ASIC2: variants seen among roughly 807,000 people sequenced by gnomAD.
The protein encoded by ASIC2 is acid sensing ion channel subunit 2, also known as acid-sensing ion channel 2.
ASIC2 carries 25 observed loss-of-function variants against 57.3 expected under a neutral mutation model. The observed-to-expected ratio is 0.44, with a 90% CI of 0.32 to 0.61. ASIC2 has a LOEUF of 0.61. Among genes scored for constraint, ASIC2 ranks in the 20% least tolerant of loss-of-function variants. The pLI, the probability that ASIC2 is intolerant of heterozygous loss-of-function variation, is 0.06. For missense variants in ASIC2, 641 were observed against 738.1 expected, an observed-to-expected ratio of 0.87 and a Z score of 1.52; for synonymous variants, 319 against 307.5, an observed-to-expected ratio of 1.04 and a Z score of -0.39.
At chr17:33,380,356 C>T (rs144478154) in intron 1 of ASIC2, among the ~76,000 whole-genome samples, 3 of 151,334 alleles carry the variant, frequency 2.0e-5, no homozygotes, top group African/African-American at 4.9e-5. Flanking sequence ...TGATGATGAT[C>T]ATGATGCGTA....
intron 1 of ASIC2, among the ~76,000 whole-genome samples, chr17:33,120,915 C>G (rs959753472): frequency 1.3e-5 from 2 of 152,160 alleles, no homozygotes; most frequent in Non-Finnish European, 2.9e-5. Context: ...GGGGACCAGG[C>G]AGCCCTGGTT....
chr17:33,901,862 T>G (rs776154565), intron 1 of ASIC2, among the ~76,000 whole-genome samples: 4 of 152,160 alleles, frequency 2.6e-5, no homozygotes, highest in Non-Finnish European at 5.9e-5. Flanking sequence ...TGCCTTATGG[T>G]TCTATGTTTC....
At chr17:33,943,693 A>G (rs960938371) in intron 1 of ASIC2, among the ~76,000 whole-genome samples, 1 of 42,260 alleles carries the variant, frequency 2.4e-5, no homozygotes, top group East Asian at 1.3e-3. Context: ...TGATAATAGT[A>G]AAAAAAAAAA....
At chr17:33,449,102 C>T (rs916424697) in intron 1 of ASIC2, among the ~76,000 whole-genome samples, 2 of 152,222 alleles carry the variant, frequency 1.3e-5, no homozygotes, top group African/African-American at 4.8e-5. Flanking sequence ...CAGAATGCCA[C>T]TATTTTTCTC....
intron 1 of ASIC2, among the ~76,000 whole-genome samples, chr17:33,978,775 T>C (rs1905490175): frequency 6.6e-6 from 1 of 151,516 alleles, no homozygotes; most frequent in South Asian, 2.1e-4. Flanking sequence ...GAGTAAGGAG[T>C]GTTAGGAAGG....
intron 1 of ASIC2, among the ~76,000 whole-genome samples, chr17:34,113,223 T>C (rs910809729): frequency 1.3e-5 from 2 of 152,058 alleles, no homozygotes; most frequent in African/African-American, 4.8e-5. Context: ...CGAAGGAAGC[T>C]GGAGGAGTGG....
chr17:33,856,448 T>A (rs372249908), intron 1 of ASIC2, among the ~76,000 whole-genome samples: 1 of 96,380 alleles, frequency 1.0e-5, no homozygotes, highest in South Asian at 4.0e-4. Context: ...GTGGTAGTAG[T>A]AGTAATAGTC....
At chr17:33,806,103 G>T (rs1375765925) in intron 1 of ASIC2, among the ~76,000 whole-genome samples, 2 of 152,154 alleles carry the variant, frequency 1.3e-5, no homozygotes, top group South Asian at 4.1e-4. Context: ...ACACCGGAAA[G>T]CACCCACATT....
chr17:33,610,281 C>T (rs759596013), intron 1 of ASIC2, among the ~76,000 whole-genome samples: 1 of 152,116 alleles, frequency 6.6e-6, no homozygotes, highest in African/African-American at 2.4e-5. Context: ...CCTCAGCCTC[C>T]CAAGTAGCTG....
intron 1 of ASIC2, among the ~76,000 whole-genome samples, chr17:33,182,188 G>A (rs527902324): frequency 2.6e-5 from 4 of 152,292 alleles, no homozygotes; most frequent in Admixed American, 2.6e-4. Flanking sequence ...AGGGGTGGAG[G>A]AGAAGTGGTC....
At chr17:33,048,970 C>A (rs981006813) in intron 3 of ASIC2, among the ~76,000 whole-genome samples, 2 of 152,230 alleles carry the variant, frequency 1.3e-5, no homozygotes, top group Admixed American at 6.5e-5. Context: ...AGGGGCTCAA[C>A]CAAGTGACAT....
At position 33,409,295 on chromosome 17, in the gene ASIC2, C is replaced by T. The variant is rs548044486; in HGVS notation, c.556-297228G>A. Among the ~76,000 whole-genome samples, 3 of 152,304 alleles carry T rather than the reference C, an allele frequency of 2.0e-5. No individual in the cohort carries two copies. The South Asian group carries it at 6.2e-4, about 32-fold the overall frequency. On this transcript the variant is annotated intron_variant, in intron 1 of 9. Coordinates refer to the ASIC2 transcript ENST00000359872. ...AACTCCAATATTCAAGGCATGAGTTCCCAAAGTGAGGTGAGAGGCATCTGC... is the reference window on the plus strand; with the variant it reads ...AACTCCAATATTCAAGGCATGAGTTTCCAAAGTGAGGTGAGAGGCATCTGC...
At chr17:33,071,001 G>A (rs1379112979) in intron 3 of ASIC2, among the ~76,000 whole-genome samples, 3 of 151,888 alleles carry the variant, frequency 2.0e-5, no homozygotes, top group Non-Finnish European at 4.4e-5. Context: ...TCCTCTGTAG[G>A]TAATGAGTTA....
At chr17:33,545,523 A>G (rs1020715760) in intron 1 of ASIC2, among the ~76,000 whole-genome samples, 2 of 152,150 alleles carry the variant, frequency 1.3e-5, no homozygotes, top group Admixed American at 1.3e-4. Context: ...CCCATAATAG[A>G]CAAGAGAAAC....
At chr17:33,760,192 C>G (rs1276371243) in intron 1 of ASIC2, among the ~76,000 whole-genome samples, 1 of 151,580 alleles carries the variant, frequency 6.6e-6, no homozygotes, top group Non-Finnish European at 1.5e-5. Context: ...TTTGACATAG[C>G]ATTAAATAAA....
intron 1 of ASIC2, chr17:33,529,794 T>C (rs951606970): frequency 6.6e-6 from 1 of 152,216 alleles, no homozygotes; most frequent in Admixed American, 6.5e-5. Flanking sequence ...AGATACATCA[T>C]GTAAGGCATT....
intron 1 of ASIC2, among the ~76,000 whole-genome samples, chr17:33,375,404 G>A (rs7215745): frequency 0.51 from 76,825 of 151,680 alleles, 19,971 homozygotes; most frequent in East Asian, 0.8. Context: ...GAGGGGGAGA[G>A]TGGCAGGAGA....
At chr17:33,560,418 T>C (rs908255842) in intron 1 of ASIC2, among the ~76,000 whole-genome samples, 1 of 152,202 alleles carries the variant, frequency 6.6e-6, no homozygotes, top group Non-Finnish European at 1.5e-5. Flanking sequence ...GACTTATGAG[T>C]TGATTAAATA....
intron 1 of ASIC2, among the ~76,000 whole-genome samples, chr17:33,577,608 T>G (rs1916668132): frequency 6.6e-6 from 1 of 152,158 alleles, no homozygotes; most frequent in African/African-American, 2.4e-5. Flanking sequence ...TGAGCATTCT[T>G]ACCAACCACA....
Sources: allele counts gnomAD v4.1 joint callset (sites outside exome capture counted in the v4.1 genomes callset), GRCh38; gene constraint gnomAD v4.1.1; transcripts MANE v1.5; gene names NCBI Gene and HGNC (gene_info 2026-07-23, HGNC 2026-07-21).